Variants in LGMN observed in about 807,000 individuals in gnomAD.
LGMN encodes asparaginyl endopeptidase.
In LGMN, 36 loss-of-function variants were observed where a neutral mutation model predicts 56.8. The observed-to-expected ratio is 0.63, with a 90% CI of 0.49 to 0.84. The LOEUF (loss-of-function observed/expected upper bound fraction) is 0.84. Among genes scored for constraint, LGMN ranks in the 40% least tolerant of loss-of-function variants. LGMN has a pLI of 0.00. For synonymous variants in LGMN, 199 were observed against 210.1 expected (o/e 0.95, Z 0.46); for missense variants, 446 against 556.1 (o/e 0.80, Z 1.99).
At chr14:92,717,321 A>G in intron 4 of LGMN, 59 bp downstream of exon 4, 3 of 1,057,718 alleles carry the variant, frequency 2.8e-6, no homozygotes, top group Non-Finnish European at 4.2e-6. Flanking sequence ...AGAAAGAGGG[A>G]AAAATCATCA....
Position 92,704,272 on chromosome 14 carries a change from A to G in LGMN, c.*47T>C, listed in dbSNP as rs1273061733. 1 of 1,613,606 alleles carries G rather than the reference A, an allele frequency of 6.2e-7. No individual in the cohort carries two copies. Among genetic ancestry groups the G allele is most frequent in the Admixed American group, 1.7e-5 (1 of 60,004 alleles). On this transcript the variant is annotated 3_prime_UTR_variant, in exon 14 of 14. Coordinates refer to ENST00000334869, the MANE Select transcript of LGMN (RefSeq NM_005606.7). ...CCTCTCCAGTCTCTGATCAGCACAC[A>G]GTCGGTGGGGCGCTCACACTTGGAA...
intron 1 of LGMN, among the ~76,000 whole-genome samples, chr14:92,743,550 C>T (rs368835198): frequency 7.9e-5 from 12 of 151,772 alleles, no homozygotes; most frequent in East Asian, 1.9e-4. Context: ...GCCTGTAATT[C>T]GAACACTTTG....
chr14:92,739,309 C>T (rs115028648), intron 1 of LGMN, among the ~76,000 whole-genome samples: 1,651 of 152,264 alleles, frequency 0.011, 22 homozygotes, highest in African/African-American at 0.037. Flanking sequence ...TGAACGACGC[C>T]GGCTAAACTA....
rs982592906 is a variant in LGMN at position 92,706,220 on chromosome 14, C to A, written c.1191+263G>T. ...GGCAGGGACAGCAGAAGTGTGAACA[C>A]AAGTAACTGTTCTTCAAACTAGAAG... On this transcript the variant is annotated intron_variant, in intron 12 of 13. Transcript: ENST00000334869. 2.2e-5 allele frequency: 8 copies of A among 369,294 alleles called. No individual in the cohort carries two copies. The Admixed American group carries it at 3.4e-4, about 16-fold the overall frequency. 22.9% of individuals were successfully genotyped at this position (369,294 alleles called of 1,614,324 possible).
At chr14:92,715,868 C>A (rs775442687) in intron 5 of LGMN, 4 of 257,082 alleles carry the variant, frequency 1.6e-5, no homozygotes, top group East Asian at 1.0e-4. Flanking sequence ...GATCCCCAGA[C>A]AAGGAACGAG....
At chr14:92,711,630 A>G (rs1566917371) in intron 10 of LGMN, 29 bp downstream of exon 10, 1 of 1,587,370 alleles carries the variant, frequency 6.3e-7, no homozygotes. Context: ...CAAGGAACAG[A>G]GGGCCAGCAC....
In LGMN at chr14:92,732,225, G is replaced by A. The variant is rs74859661; in HGVS notation, c.138+424C>T. On this transcript the variant is annotated intron_variant, in intron 2 of 13. Coordinates refer to ENST00000334869, the MANE Select transcript of LGMN (RefSeq NM_005606.7). ...TGGCTCCCTGGGGACACTGGGCGAC[G>A]TCTGGAGAATTCTGCGTTATTACAG... is the stretch of plus-strand genomic sequence containing the variant. Among the ~76,000 whole-genome samples the A allele has an allele frequency of 5.0e-3, 757 of 152,234 alleles. 5 individuals carry two copies. The highest frequency in any genetic ancestry group is 0.017 in the African/African-American group (723 of 41,520).
Position 92,706,504 on chromosome 14 carries a change from G to A in LGMN, c.1170C>T (p.Cys390=). 1 of 1,560,234 alleles carries A rather than the reference G, an allele frequency of 6.4e-7. No individual in the cohort carries two copies. Among genetic ancestry groups the A allele is most frequent in the Non-Finnish European group, 8.8e-7 (1 of 1,142,024 alleles). The change falls in exon 12 of 14, where the codon TGC becomes TGT. Residue 390 remains cysteine, a synonymous_variant. Transcript: ENST00000334869. ...TCACCGTGGGGGAGTGCCAGTTGAAGCAGTGGGTCCGGAAGTGCAGCAGGG... is the reference window on the plus strand; with the variant it reads ...TCACCGTGGGGGAGTGCCAGTTGAAACAGTGGGTCCGGAAGTGCAGCAGGG... The part of the protein sequence containing the change: ...PEALLHFRTH[C]FNWHSPTYEY...
At chr14:92,707,412 C>T (rs1296707156) in intron 11 of LGMN, among the ~76,000 whole-genome samples, 2 of 152,210 alleles carry the variant, frequency 1.3e-5, no homozygotes, top group Non-Finnish European at 2.9e-5. Context: ...TCCCCAAGAG[C>T]TCTCAGGCTC....
chr14:92,719,134 GCCA>G (rs1890222765), intron 2 of LGMN, among the ~76,000 whole-genome samples: 3 of 139,864 alleles, frequency 2.1e-5, no homozygotes, highest in South Asian at 2.4e-4. Context: ...CACAACCACC[GCCA>G]CCGCCACCAC....
At position 92,714,748 on chromosome 14, in the gene LGMN, T is replaced by C. The variant is rs759093234; in HGVS notation, c.405-297A>G. Among the ~76,000 whole-genome samples the C allele has an allele frequency of 6.6e-6, 1 of 152,074 alleles. No homozygotes were observed. Among genetic ancestry groups the C allele is most frequent in the Non-Finnish European group, 1.5e-5 (1 of 68,010 alleles). On this transcript the variant is annotated intron_variant, in intron 5 of 13. Transcript: ENST00000334869. This position sits in a 1 kb window ranked among gnomAD's most constrained non-coding sequence, Gnocchi z 5.1. Reference sequence around the variant, plus strand: ...GACAGACCTGGTGTGAGGTGGATAGTGGGGTCCTTTGGCAATTGGGCCTCA... The same window carrying C: ...GACAGACCTGGTGTGAGGTGGATAGCGGGGTCCTTTGGCAATTGGGCCTCA...
At chr14:92,708,957 C>T (rs938200861) in intron 11 of LGMN, among the ~76,000 whole-genome samples, 1 of 149,924 alleles carries the variant, frequency 6.7e-6, no homozygotes, top group Non-Finnish European at 1.5e-5. Flanking sequence ...TAAGGGCTAA[C>T]AGAGTTGGCT....
intron 2 of LGMN, among the ~76,000 whole-genome samples, chr14:92,727,247 C>T (rs902133001): frequency 6.6e-5 from 10 of 151,828 alleles, no homozygotes; most frequent in South Asian, 2.1e-4. Context: ...CTAGGCAACA[C>T]GGCAAAACCC....
At chr14:92,724,598 A>C (rs907699945) in intron 2 of LGMN, among the ~76,000 whole-genome samples, 10 of 152,254 alleles carry the variant, frequency 6.6e-5, no homozygotes, top group African/African-American at 2.4e-4. Flanking sequence ...CAGAAAAGTC[A>C]TATGAGGTCA....
chr14:92,708,423 C>T (rs995030898), intron 11 of LGMN, among the ~76,000 whole-genome samples: 4 of 152,114 alleles, frequency 2.6e-5, no homozygotes, highest in African/African-American at 9.6e-5. Flanking sequence ...CATAGTGACA[C>T]CCCAGCTCTA....
chr14:92,715,140 A>G (rs1429307439), intron 5 of LGMN, among the ~76,000 whole-genome samples: 4 of 151,818 alleles, frequency 2.6e-5, no homozygotes, highest in Non-Finnish European at 4.4e-5. Flanking sequence ...CTGGGATTAT[A>G]GGCACACGCC....
intron 12 of LGMN, 144 bp downstream of exon 12, chr14:92,706,339 C>A: frequency 4.7e-6 from 3 of 636,522 alleles, no homozygotes; most frequent in Non-Finnish European, 7.4e-6. Context: ...TGAATTTGGA[C>A]AACCTTCTTC....
chr14:92,709,762 C>A lies in LGMN; in HGVS notation c.930G>T (p.Val310=). 1.9e-6 allele frequency: 3 copies of A among 1,614,044 alleles called. No individual in the cohort carries two copies. The highest frequency in any genetic ancestry group is 2.5e-6 in the Non-Finnish European group (3 of 1,179,954). The change falls in exon 11 of 14, where the codon GTG becomes GTT. Residue 310 remains valine (V), a synonymous_variant. Coordinates refer to ENST00000334869, the MANE Select transcript of LGMN (RefSeq NM_005606.7). ...THLDLTPSPD[V]PLTIMKRKLM... ...GTTTCCTTTTCATGATGGTGAGAGG[C>A]ACATCAGGGCTGGGGGTGAGGTCAA... is the stretch of plus-strand genomic sequence containing the variant.
At position 92,713,814 on chromosome 14, in the gene LGMN, C is replaced by T. The variant is rs746564209; in HGVS notation, c.543+9G>A. On this transcript the variant is annotated intron_variant, in intron 7 of 13. Transcript: ENST00000334869. ...CGCCCCCACAAGGCTGCCCCAAGGG[C>T]TGAATTACCTTTCGGTACATTTTGT... 1.1e-5 allele frequency: 17 copies of T among 1,607,704 alleles called. No individual in the cohort carries two copies. The South Asian group carries it at 1.8e-4, about 17-fold the overall frequency.
Sources: allele counts gnomAD v4.1 joint callset (sites outside exome capture counted in the v4.1 genomes callset), GRCh38; gene constraint gnomAD v4.1.1; non-coding constraint Gnocchi (gnomAD v3.1); transcripts MANE v1.5; gene names NCBI Gene and HGNC (gene_info 2026-07-23, HGNC 2026-07-21).